Variants in CEP85 observed in about 807,000 individuals in gnomAD.
CEP85 encodes the protein centrosomal protein of 85 kDa.
A neutral mutation model predicts 93.7 loss-of-function variants in CEP85; 58 were observed. The observed-to-expected ratio is 0.62, with a 90% confidence interval of 0.50 to 0.77. The LOEUF (loss-of-function observed/expected upper bound fraction) is 0.77. Ranked by LOEUF, CEP85 falls within the 30% of genes least tolerant of loss-of-function variation. The pLI is 0.00. For missense variants in CEP85, 868 were observed against 922.0 expected (o/e 0.94, Z 0.76); for synonymous variants, 314 against 338.6 (o/e 0.93, Z 0.80).
At chr1:26,263,243 G>A (rs759767279) in intron 7 of CEP85, 14 of 318,738 alleles carry the variant, frequency 4.4e-5, no homozygotes, top group Non-Finnish European at 6.7e-5. Context: ...TGCTGTTGAC[G>A]AAGATCTTAT....
intron 12 of CEP85, among the ~76,000 whole-genome samples, chr1:26,276,060 ACT>A (rs1049713977): frequency 5.4e-5 from 8 of 149,166 alleles, no homozygotes; most frequent in African/African-American, 1.7e-4. Flanking sequence ...TGTCTTTCTT[ACT>A]CTCTTTATTC....
chr1:26,249,236 C>T (rs1295054919), intron 3 of CEP85, among the ~76,000 whole-genome samples: 1 of 152,102 alleles, frequency 6.6e-6, no homozygotes, highest in African/African-American at 2.4e-5. Context: ...CGTGTGCCAC[C>T]ACACCCAGCT....
chr1:26,275,900 AACAG>A (rs2090046769), intron 12 of CEP85, among the ~76,000 whole-genome samples: 1 of 152,224 alleles, frequency 6.6e-6, no homozygotes, highest in South Asian at 2.1e-4. Context: ...AAGAGAGGGA[AACAG>A]ACAGACATAC....
At chr1:26,275,103 G>C (rs746023741) in intron 12 of CEP85, 32 bp downstream of exon 12, 2 of 1,512,398 alleles carry the variant, frequency 1.3e-6, no homozygotes, top group East Asian at 4.9e-5. Context: ...TCTTGGTTTT[G>C]CCTCCACAAA....
At chr1:26,236,966 A>C (rs957048537) in intron 1 of CEP85, among the ~76,000 whole-genome samples, 1 of 152,206 alleles carries the variant, frequency 6.6e-6, no homozygotes, top group Non-Finnish European at 1.5e-5. Context: ...GTACAGATGA[A>C]GCCTCCAAAT....
In CEP85 at chr1:26,255,393, T is replaced by A. The variant is rs757952090; in HGVS notation, c.431T>A (p.Leu144Gln). 2.0e-5 allele frequency: 32 copies of A among 1,614,022 alleles called. No homozygotes were observed. Among genetic ancestry groups the A allele is most frequent in the Non-Finnish European group, 2.5e-5 (30 of 1,180,016 alleles). Reference protein sequence around the residue: ...DLGAMKHSPGLSRDLMYFSGA... With the variant: ...DLGAMKHSPGQSRDLMYFSGA... ...GGTGCAATGAAACATTCTCCAGGCC[T>A]ATCTAGAGATCTCATGTATTTCTCT... The change falls in exon 4 of 14, where the codon CTA (leucine) becomes CAA (glutamine). Residue 144 changes from leucine (L) to glutamine (Q), a missense_variant. Transcript: ENST00000451429.
intron 1 of CEP85, among the ~76,000 whole-genome samples, chr1:26,234,787 A>G (rs1203645014): frequency 2.0e-5 from 3 of 152,218 alleles, no homozygotes. Flanking sequence ...AAGGCTGTGT[A>G]GAGAATTAAG....
chr1:26,272,060 T>C lies in CEP85; in HGVS notation c.1783T>C (p.Ser595Pro). 1 of 1,614,070 alleles carries C rather than the reference T, an allele frequency of 6.2e-7. No individual in the cohort carries two copies. The highest frequency in any genetic ancestry group is 8.5e-7 in the Non-Finnish European group (1 of 1,179,986). The change falls in exon 11 of 14, where the codon TCA (serine) becomes CCA (proline). Residue 595 changes from serine (S) to proline (P), a missense_variant. By Grantham distance (74) the Ser-to-Pro change is moderately conservative (BLOSUM62 -1). Transcript: ENST00000451429. Reference sequence around the variant, plus strand: ...GCAGCAGAAGATGGATCAGTTGCGCTCACAAGTACAGGTGAGCAGGAATCC... The same window carrying C: ...GCAGCAGAAGATGGATCAGTTGCGCCCACAAGTACAGGTGAGCAGGAATCC... ...KQQQKMDQLR[S>P]QVQSLEQEVA...
intron 3 of CEP85, among the ~76,000 whole-genome samples, chr1:26,249,252 T>G (rs1026030182): frequency 1.3e-5 from 2 of 152,210 alleles, no homozygotes; most frequent in African/African-American, 4.8e-5. Flanking sequence ...CAGCTAATTT[T>G]TGTATTTTTA....
At chr1:26,273,159 G>A (rs1025278815) in intron 11 of CEP85, among the ~76,000 whole-genome samples, 2 of 152,212 alleles carry the variant, frequency 1.3e-5, no homozygotes, top group African/African-American at 4.8e-5. Flanking sequence ...CTGACAAGAT[G>A]TAGGGGTTGA....
chr1:26,258,609 CTT>C (rs759886417), intron 6 of CEP85, among the ~76,000 whole-genome samples: 4 of 140,126 alleles, frequency 2.9e-5, no homozygotes, highest in Admixed American at 7.1e-5. Context: ...TATTCTCTCT[CTT>C]TTTTTTTTTT....
chr1:26,240,621 G>A (rs1444582526), intron 2 of CEP85, among the ~76,000 whole-genome samples: 1 of 152,120 alleles, frequency 6.6e-6, no homozygotes, highest in East Asian at 1.9e-4. Context: ...ATGGCCAGGC[G>A]CTGTGGCTCA....
rs1362825552 is a variant in CEP85, at chr1:26,269,710, AAATCAT to A, written c.1649+97_1649+102del. ...CTGTGTGACTTTGGGTGATTTGGGAAAATCATTTTACTTATCTGAGCTTTGTTTTCT... is the reference window on the plus strand; with the variant it reads ...CTGTGTGACTTTGGGTGATTTGGGAATTTACTTATCTGAGCTTTGTTTTCT... On this transcript the variant is annotated intron_variant, in intron 9 of 13. Coordinates refer to ENST00000451429, the MANE Select transcript of CEP85 (RefSeq NM_001319944.2). 6 of 969,428 alleles carry A rather than the reference AAATCAT, an allele frequency of 6.2e-6. No individual in the cohort carries two copies. In the African/African-American group the frequency reaches 8.2e-5, roughly 13 times the overall value. 60.1% of individuals were successfully genotyped at this position (969,428 alleles called of 1,614,324 possible).
chr1:26,259,913 AT>A lies in CEP85; in HGVS notation c.1341+112del, dbSNP rs1290076884. On this transcript the variant is annotated intron_variant, in intron 7 of 13. Transcript: ENST00000451429. ...AACTAAGAGGAGACAATTGGGTGAGATCCTCCACTGGCTTCTCACACAGAAT... is the reference window on the plus strand; with the variant it reads ...AACTAAGAGGAGACAATTGGGTGAGACCTCCACTGGCTTCTCACACAGAAT... 1.1e-5 allele frequency: 9 copies of A among 795,016 alleles called. No individual in the cohort carries two copies. The African/African-American group carries it at 1.4e-4, about 12-fold the overall frequency. 49.2% of individuals were successfully genotyped at this position (795,016 alleles called of 1,614,324 possible).
chr1:26,239,801 A>G lies in CEP85; in HGVS notation c.18A>G (p.Lys6=), dbSNP rs1225614054. The G allele has an allele frequency of 1.2e-6, 2 of 1,613,864 alleles. No homozygotes were observed. The highest frequency in any genetic ancestry group is 1.7e-6 in the Non-Finnish European group (2 of 1,179,722). ...TGTGATTGATGGCCATGCAGGAGAA[A>G]TATCCAACTGAGGGGATCTCTCACG... MAMQE[K]YPTEGISHVT... Residue 6 remains lysine (K), a synonymous_variant, in exon 2 of 14, where the codon AAA becomes AAG. Transcript: ENST00000451429.
At chr1:26,268,358 TGAGGTAGGA>T (rs1332008842) in intron 7 of CEP85, 116 bp from the exon 8 acceptor site, 1 of 1,016,498 alleles carries the variant, frequency 9.8e-7, no homozygotes, top group East Asian at 2.6e-5. Flanking sequence ...CTCCAGGGGC[TGAGGTAGGA>T]GGATCACTTG....
intron 1 of CEP85, among the ~76,000 whole-genome samples, chr1:26,235,207 G>T (rs2089306322): frequency 6.6e-6 from 1 of 152,206 alleles, no homozygotes; most frequent in Non-Finnish European, 1.5e-5. Flanking sequence ...CGCATAGTAG[G>T]CACGCAGTAA....
intron 3 of CEP85, among the ~76,000 whole-genome samples, chr1:26,247,113 T>C (rs981104064): frequency 6.6e-6 from 1 of 152,212 alleles, no homozygotes; most frequent in Admixed American, 6.5e-5. Flanking sequence ...GGTTGTGTGC[T>C]CTTTATGAGG....
Position 26,255,534 on chromosome 1 carries a change from C to T in CEP85, c.572C>T (p.Ser191Leu), listed in dbSNP as rs759492304. ...IPSMESTLNQ[S>L]AMMETLYSDP... The stretch of plus-strand genomic sequence containing the variant: ...AGCATGGAATCTACCCTCAATCAGT[C>T]GGCAATGATGGAGACACTTTATTCA... The change falls in exon 4 of 14, where the codon TCG becomes TTG. Residue 191 changes from serine (S) to leucine (L), a missense_variant. Coordinates refer to ENST00000451429, the MANE Select transcript of CEP85 (RefSeq NM_001319944.2). 5.0e-6 allele frequency: 8 copies of T among 1,614,062 alleles called. No homozygotes were observed. The South Asian group carries it at 5.5e-5, about 11-fold the overall frequency.
Sources: allele counts gnomAD v4.1 joint callset (sites outside exome capture counted in the v4.1 genomes callset), GRCh38; gene constraint gnomAD v4.1.1; transcripts MANE v1.5; gene names NCBI Gene and HGNC (gene_info 2026-07-23, HGNC 2026-07-21).